ESRRG: variants seen among roughly 807,000 people sequenced by gnomAD.
ESRRG encodes estrogen related receptor gamma, also known as estrogen-related receptor gamma.
Under a neutral mutation model 44.0 loss-of-function variants are expected in ESRRG, and 13 were observed. That is an observed-to-expected ratio of 0.30 (90% confidence interval 0.19 to 0.47). The LOEUF is 0.47. ESRRG is among the 20% of genes least tolerant of loss of function. The pLI, the probability that ESRRG is intolerant of heterozygous loss-of-function variation, is 1.00. For missense variants in ESRRG, 395 were observed against 580.6 expected, an observed-to-expected ratio of 0.68 and a Z score of 3.29; for synonymous variants, 215 against 214.6, an observed-to-expected ratio of 1.00 and a Z score of -0.02.
At chr1:216,819,984 AG>A (rs1481481228) in intron 2 of ESRRG, among the ~76,000 whole-genome samples, 1 of 152,208 alleles carries the variant, frequency 6.6e-6, no homozygotes, top group Non-Finnish European at 1.5e-5. Flanking sequence ...AACTCTTCAA[AG>A]GGGCATATGG....
At chr1:216,925,754 C>T (rs2062471213) in intron 2 of ESRRG, among the ~76,000 whole-genome samples, 1 of 151,844 alleles carries the variant, frequency 6.6e-6, no homozygotes, top group Admixed American at 6.6e-5. Context: ...AGTTTGAGAC[C>T]AGCCTGTCCA....
intron 1 of ESRRG, chr1:216,939,718 A>AAG (rs2064892013): frequency 1.8e-4 from 1 of 5,680 alleles, no homozygotes; most frequent in Non-Finnish European, 4.9e-4. Flanking sequence ...CCAAAAAAGG[A>AAG]AAAAAAAAAA....
chr1:216,828,289 T>C (rs1272036076), intron 2 of ESRRG, among the ~76,000 whole-genome samples: 2 of 152,178 alleles, frequency 1.3e-5, no homozygotes, highest in Non-Finnish European at 1.5e-5. Context: ...AAACAAGCTG[T>C]GTTTTTGTTT....
At chr1:216,528,027 T>C (rs912795989) in intron 5 of ESRRG, among the ~76,000 whole-genome samples, 1 of 150,452 alleles carries the variant, frequency 6.6e-6, no homozygotes, top group African/African-American at 2.5e-5. Flanking sequence ...TGGCGCTCAG[T>C]AAATATGTGC....
At chr1:216,787,096 A>T (rs1342600218) in intron 2 of ESRRG, among the ~76,000 whole-genome samples, 1 of 151,994 alleles carries the variant, frequency 6.6e-6, no homozygotes, top group Non-Finnish European at 1.5e-5. Context: ...TAACATTTCA[A>T]ACTTTAAGGT....
At chr1:216,998,312 T>A (rs2076615777) in intron 1 of ESRRG, among the ~76,000 whole-genome samples, 1 of 152,100 alleles carries the variant, frequency 6.6e-6, no homozygotes, top group Non-Finnish European at 1.5e-5. Context: ...CAGGAAAAAA[T>A]TAGACAAATA....
At chr1:216,668,188 C>G (rs898018941) in intron 2 of ESRRG, among the ~76,000 whole-genome samples, 2 of 152,142 alleles carry the variant, frequency 1.3e-5, no homozygotes, top group African/African-American at 4.8e-5. Flanking sequence ...TGTGAAGTAA[C>G]AGAGACAGTA....
rs183623176 is a variant in ESRRG, at chr1:216,732,930, C to T, written c.-13-55439G>A. Among the ~76,000 whole-genome samples, 535 of 151,944 alleles carry T rather than the reference C, an allele frequency of 3.5e-3. 2 individuals carry two copies. Among genetic ancestry groups the T allele is most frequent in the Middle Eastern group, 6.8e-3 (2 of 294 alleles). On this transcript the variant is annotated intron_variant, in intron 2 of 7. Coordinates refer to the ESRRG transcript ENST00000359162. Reference sequence around the variant, plus strand: ...ATTTTACTCTGGTTAGGCATAGCTCCAAATTGACTGCTTTCTCTTTCCCAA... The same window carrying T: ...ATTTTACTCTGGTTAGGCATAGCTCTAAATTGACTGCTTTCTCTTTCCCAA...
At chr1:216,631,628 C>T (rs1359898668) in intron 3 of ESRRG, among the ~76,000 whole-genome samples, 1 of 151,932 alleles carries the variant, frequency 6.6e-6, no homozygotes, top group African/African-American at 2.4e-5. Flanking sequence ...TTAGGTCTTT[C>T]CTCAAAAGGG....
At chr1:216,792,037 G>C (rs1053703302) in intron 2 of ESRRG, among the ~76,000 whole-genome samples, 30 of 151,914 alleles carry the variant, frequency 2.0e-4, no homozygotes, top group African/African-American at 7.3e-4. Context: ...TAAGAAGAAG[G>C]GTTAAGTTTT....
chr1:216,640,888 A>G (rs1322356235), intron 3 of ESRRG, among the ~76,000 whole-genome samples: 1 of 152,130 alleles, frequency 6.6e-6, no homozygotes, highest in Non-Finnish European at 1.5e-5. Flanking sequence ...ACAGAGTCCT[A>G]TATGGTTCTG....
rs3040932 is a variant in ESRRG at position 216,658,666 on chromosome 1, CAAA to C, written c.473-7580_473-7578del. Among the ~76,000 whole-genome samples the C allele has an allele frequency of 8.3e-3, 1,086 of 130,300 alleles. 10 individuals are homozygous for C. The highest frequency in any genetic ancestry group is 0.025 in the African/African-American group (861 of 34,218). The allele number at this position is 130,300 out of a possible 152,430, so 85.5% of individuals were successfully genotyped here. A position where few individuals can be genotyped will look rare whatever the true frequency, so the allele number is the denominator to read the frequency against. ...CGAAACCCCATCTCTACTAAAAATA[CAAA>C]AAAAAAAAAAAAAAATAGCCAGGCA... On this transcript the variant is annotated intron_variant, in intron 2 of 6. Transcript: ENST00000408911.
At chr1:216,727,025 T>G (rs1243800134), upstream of ESRRG, among the ~76,000 whole-genome samples, 1 of 152,212 alleles carries the variant, frequency 6.6e-6, no homozygotes, top group Non-Finnish European at 1.5e-5. Flanking sequence ...CTTGCTGTTA[T>G]TGCATATTAA....
intron 2 of ESRRG, among the ~76,000 whole-genome samples, chr1:216,654,381 T>G (rs1419867301): frequency 6.6e-6 from 1 of 152,030 alleles, no homozygotes; most frequent in Non-Finnish European, 1.5e-5. Flanking sequence ...AATCCAGCAC[T>G]TTGGGAGGCC....
intron 2 of ESRRG, among the ~76,000 whole-genome samples, chr1:216,653,239 A>C (rs1034728919): frequency 2.0e-5 from 3 of 152,182 alleles, no homozygotes; most frequent in Non-Finnish European, 4.4e-5. Context: ...CACATCAGGC[A>C]TGTGTGAGCT....
chr1:216,680,852 A>G (rs2076920323), intron 1 of ESRRG, among the ~76,000 whole-genome samples: 1 of 152,192 alleles, frequency 6.6e-6, no homozygotes, highest in Non-Finnish European at 1.5e-5. Context: ...ACTTCACTTC[A>G]ATCTAAAATT....
chr1:216,521,202 T>A (rs565744887), intron 5 of ESRRG, among the ~76,000 whole-genome samples: 2 of 152,146 alleles, frequency 1.3e-5, no homozygotes. Flanking sequence ...TTAATAAATA[T>A]CCTCTTAGAG....
chr1:217,113,283 A>G (rs946884103), intron 1 of ESRRG, among the ~76,000 whole-genome samples: 1 of 152,152 alleles, frequency 6.6e-6, no homozygotes. Context: ...TTAAGACTGG[A>G]CCCTAATCAA....
intron 1 of ESRRG, among the ~76,000 whole-genome samples, chr1:217,088,347 G>C (rs1322918810): frequency 6.7e-6 from 1 of 149,258 alleles, no homozygotes; most frequent in Admixed American, 6.6e-5. Context: ...AGGTCATATG[G>C]ACCTAACAGC....
Sources: allele counts gnomAD v4.1 joint callset (sites outside exome capture counted in the v4.1 genomes callset), GRCh38; gene constraint gnomAD v4.1.1; transcripts MANE v1.5; gene names NCBI Gene and HGNC (gene_info 2026-07-23, HGNC 2026-07-21).